Variants in FRMD4B observed in about 807,000 individuals in gnomAD.
FRMD4B encodes FERM domain containing 4B, also known as FERM domain-containing protein 4B.
Under a neutral mutation model 141.5 loss-of-function variants are expected in FRMD4B, and 74 were observed. That is an observed-to-expected ratio of 0.52 (90% CI 0.43 to 0.63). The LOEUF (loss-of-function observed/expected upper bound fraction) is 0.63, where lower values mean the gene tolerates loss of function less well. Among genes scored for constraint, FRMD4B ranks in the 30% least tolerant of loss-of-function variants. The pLI, the probability that FRMD4B is intolerant of heterozygous loss-of-function variation, is 0.00. For synonymous variants in FRMD4B, 506 were observed against 467.9 expected (o/e 1.08, Z -1.05); for missense variants, 1,366 against 1,253.4 (o/e 1.09, Z -1.36).
At chr3:69,451,551 G>A (rs1309846276) in intron 1 of FRMD4B, among the ~76,000 whole-genome samples, 5 of 152,150 alleles carry the variant, frequency 3.3e-5, no homozygotes, top group Non-Finnish European at 4.4e-5. Flanking sequence ...AAGGTTTACA[G>A]CAATGAGGTA....
chr3:69,476,569 G>A (rs1460277169), intron 1 of FRMD4B, among the ~76,000 whole-genome samples: 2 of 152,098 alleles, frequency 1.3e-5, no homozygotes, highest in Non-Finnish European at 2.9e-5. Flanking sequence ...CTATATCTCT[G>A]TTTTGGTACC....
intron 1 of FRMD4B, among the ~76,000 whole-genome samples, chr3:69,356,562 C>T (rs962315662): frequency 6.6e-6 from 1 of 150,760 alleles, no homozygotes; most frequent in Non-Finnish European, 1.5e-5. Context: ...TTAATAAACT[C>T]CCCTTTATAT....
At chr3:69,204,274 G>C (rs932219369) in intron 11 of FRMD4B, among the ~76,000 whole-genome samples, 14 of 152,258 alleles carry the variant, frequency 9.2e-5, no homozygotes, top group Middle Eastern at 3.4e-3. Flanking sequence ...GGACAAAAAG[G>C]GTCAAACTGT....
chr3:69,189,468 A>G (rs2092812369), intron 18 of FRMD4B, among the ~76,000 whole-genome samples: 1 of 152,200 alleles, frequency 6.6e-6, no homozygotes, highest in African/African-American at 2.4e-5. Context: ...GATAACGTGT[A>G]CAATCTAATA....
chr3:69,542,286 C>T (rs1427968676), exon 1 of FRMD4B: 1 of 152,324 alleles, frequency 6.6e-6, no homozygotes. Flanking sequence ...CGCGCGGGAC[C>T]TGGGGACCCG....
chr3:69,510,789 A>G (rs1039602286), intron 1 of FRMD4B, among the ~76,000 whole-genome samples: 1 of 152,200 alleles, frequency 6.6e-6, no homozygotes, highest in African/African-American at 2.4e-5. Context: ...ACAGGGCACA[A>G]CAAGCATTCT....
chr3:69,453,930 G>T (rs1003660878), intron 1 of FRMD4B, among the ~76,000 whole-genome samples: 2 of 152,236 alleles, frequency 1.3e-5, no homozygotes, highest in East Asian at 3.9e-4. Flanking sequence ...ATAAGAACTT[G>T]GTATCTCCTC....
intron 2 of FRMD4B, among the ~76,000 whole-genome samples, chr3:69,428,837 T>G (rs1705128199): frequency 2.0e-5 from 3 of 152,182 alleles, no homozygotes; most frequent in Admixed American, 2.0e-4. Flanking sequence ...CCCACTAAAA[T>G]GTAACTCCCC....
intron 1 of FRMD4B, among the ~76,000 whole-genome samples, chr3:69,475,250 A>C (rs865853759): frequency 4.8e-4 from 73 of 151,818 alleles, no homozygotes; most frequent in South Asian, 3.1e-3. Flanking sequence ...TACATGTGCG[A>C]AATGTGCAGG....
intron 1 of FRMD4B, among the ~76,000 whole-genome samples, chr3:69,537,137 A>T (rs1428899569): frequency 6.6e-6 from 1 of 152,206 alleles, no homozygotes; most frequent in Non-Finnish European, 1.5e-5. Context: ...GGGTGGCCAC[A>T]TAATTTATCG....
chr3:69,245,353 G>GTTT (rs201216459), intron 7 of FRMD4B, among the ~76,000 whole-genome samples: 2 of 126,036 alleles, frequency 1.6e-5, no homozygotes, highest in African/African-American at 5.6e-5. Context: ...GTGTGTGTGT[G>GTTT]TTTTTAGACA....
chr3:69,181,489 T>C lies in FRMD4B; in HGVS notation c.2261A>G (p.Gln754Arg), dbSNP rs2092707654. ...ACCCCTGGTGCGAGTGTCCAGGGTC[T>C]GGGTGGTGTAATAGGGGCCGGTAAC... The part of the protein sequence containing the change: ...TPVTGPYYTT[Q>R]TLDTRTRGRR... Residue 754 changes from glutamine (Q) to arginine (R), a missense_variant, in exon 21 of 23, where the codon CAG becomes CGG. Coordinates refer to ENST00000398540, the MANE Select transcript of FRMD4B (RefSeq NM_015123.3). 6.2e-7 allele frequency: 1 copy of C among 1,613,892 alleles called. No homozygotes were observed. Among genetic ancestry groups the C allele is most frequent in the Non-Finnish European group, 8.5e-7 (1 of 1,179,796 alleles).
chr3:69,366,496 G>C (rs200628187), intron 1 of FRMD4B, among the ~76,000 whole-genome samples: 1 of 103,680 alleles, frequency 9.6e-6, no homozygotes, highest in Non-Finnish European at 2.0e-5. Flanking sequence ...TGCCAGGTAA[G>C]TATAGGGTGA....
At chr3:69,297,341 A>G (rs915487117) in intron 4 of FRMD4B, among the ~76,000 whole-genome samples, 2 of 152,244 alleles carry the variant, frequency 1.3e-5, no homozygotes, top group African/African-American at 4.8e-5. Flanking sequence ...CTACAGTAGG[A>G]AAGTGAGTTC....
chr3:69,340,570 C>T (rs961622491), intron 1 of FRMD4B, among the ~76,000 whole-genome samples: 2 of 152,198 alleles, frequency 1.3e-5, no homozygotes, highest in Non-Finnish European at 2.9e-5. Context: ...ACCCAGGGTT[C>T]AAATCATGGC....
At chr3:69,347,624 C>G (rs1702990938) in intron 1 of FRMD4B, among the ~76,000 whole-genome samples, 1 of 152,182 alleles carries the variant, frequency 6.6e-6, no homozygotes, top group Admixed American at 6.5e-5. Flanking sequence ...GAAATTATAA[C>G]AAACGGTCTC....
intron 2 of FRMD4B, among the ~76,000 whole-genome samples, chr3:69,402,189 T>G (rs1411177314): frequency 3.3e-5 from 5 of 152,156 alleles, no homozygotes; most frequent in Admixed American, 3.3e-4. Context: ...AAGTGATTGG[T>G]TTAGGAAAGG....
intron 19 of FRMD4B, among the ~76,000 whole-genome samples, chr3:69,183,725 G>C (rs138374424): frequency 6.6e-6 from 1 of 151,644 alleles, no homozygotes; most frequent in African/African-American, 2.4e-5. Context: ...CTTGTGATCC[G>C]CCCACCTCGG....
chr3:69,439,848 C>T (rs544759237), intron 1 of FRMD4B, among the ~76,000 whole-genome samples: 33 of 152,278 alleles, frequency 2.2e-4, no homozygotes, highest in Non-Finnish European at 3.5e-4. Context: ...CTGTGGAAAA[C>T]CTTTTCAATT....
Sources: gnomAD v4.1 joint callset for allele counts (sites outside exome capture counted in the v4.1 genomes callset) on GRCh38, gnomAD v4.1.1 for gene constraint, MANE v1.5 for transcripts, NCBI Gene and HGNC (gene_info 2026-07-23, HGNC 2026-07-21) for gene names.